The following LRTM1 variants were observed in gnomAD, a reference collection of about 807,000 sequenced individuals.
LRTM1 encodes leucine-rich repeat and transmembrane domain-containing protein 1.
A neutral mutation model predicts 32.4 loss-of-function variants in LRTM1; 38 were observed. The observed-to-expected ratio is 1.17, with a 90% confidence interval of 0.91 to 1.54. The LOEUF (loss-of-function observed/expected upper bound fraction) is 1.54. Ranked by LOEUF, LRTM1 falls within the 40% of genes most tolerant of loss-of-function variation. The pLI, the probability that LRTM1 is intolerant of heterozygous loss-of-function variation, is 0.00. For missense variants in LRTM1, 466 were observed against 415.4 expected, an observed-to-expected ratio of 1.12 and a Z score of -1.06; for synonymous variants, 186 against 169.9, an observed-to-expected ratio of 1.09 and a Z score of -0.74.
intron 2 of LRTM1, among the ~76,000 whole-genome samples, chr3:54,922,119 G>A (rs750250738): frequency 2.2e-4 from 34 of 152,038 alleles, no homozygotes; most frequent in Non-Finnish European, 4.4e-4. Flanking sequence ...CTGTTGTGAC[G>A]GCGTGTTGAA....
chr3:54,957,780 G>A (rs898841420), intron 1 of LRTM1, among the ~76,000 whole-genome samples: 8 of 152,042 alleles, frequency 5.3e-5, no homozygotes, highest in East Asian at 1.9e-4. Context: ...TCTCTCACCC[G>A]GTAGGATGAG....
At chr3:54,925,251 GT>G (rs1461073376) in intron 1 of LRTM1, 36 bp from the exon 2 acceptor site, 1 of 1,538,518 alleles carries the variant, frequency 6.5e-7, no homozygotes, top group Non-Finnish European at 8.9e-7. Context: ...ATAGGAACCA[GT>G]TTGTGAGGTG....
chr3:54,929,564 A>G (rs886780016), upstream of LRTM1, among the ~76,000 whole-genome samples: 3 of 152,188 alleles, frequency 2.0e-5, no homozygotes, highest in African/African-American at 7.2e-5. Context: ...CACATAACCC[A>G]GTATATTCAT....
chr3:54,954,447 T>C (rs1409780129), intron 1 of LRTM1, among the ~76,000 whole-genome samples: 1 of 152,228 alleles, frequency 6.6e-6, no homozygotes, highest in African/African-American at 2.4e-5. Flanking sequence ...CTCACTGCTC[T>C]GGTAGTTTCC....
chr3:54,946,101 G>A (rs944042305), intron 1 of LRTM1, among the ~76,000 whole-genome samples: 2 of 152,208 alleles, frequency 1.3e-5, no homozygotes, highest in African/African-American at 4.8e-5. Context: ...ATAAAAAGCA[G>A]TATGCATTGA....
chr3:54,952,115 G>A (rs1199455575), intron 1 of LRTM1, among the ~76,000 whole-genome samples: 1 of 152,166 alleles, frequency 6.6e-6, no homozygotes, highest in African/African-American at 2.4e-5. Flanking sequence ...CAAAGTGCTG[G>A]GATTACACAT....
intron 1 of LRTM1, among the ~76,000 whole-genome samples, chr3:54,954,305 T>C (rs1307019394): frequency 6.6e-6 from 1 of 152,136 alleles, no homozygotes; most frequent in African/African-American, 2.4e-5. Context: ...CACGAACACT[T>C]CCCCACTGAG....
At chr3:54,930,028 C>T (rs1446270098), upstream of LRTM1, among the ~76,000 whole-genome samples, 1 of 152,194 alleles carries the variant, frequency 6.6e-6, no homozygotes, top group Non-Finnish European at 1.5e-5. Flanking sequence ...ACCTTAAGAG[C>T]CATCAGTCTC....
intron 1 of LRTM1, among the ~76,000 whole-genome samples, chr3:54,950,491 A>G (rs990181763): frequency 1.3e-5 from 2 of 152,156 alleles, no homozygotes; most frequent in Non-Finnish European, 2.9e-5. Context: ...AATGCTGACA[A>G]TAATTATAAT....
intron 2 of LRTM1, among the ~76,000 whole-genome samples, chr3:54,920,892 AAGGTGGGAGCCAC>A (rs1398885355): frequency 6.6e-6 from 1 of 152,160 alleles, no homozygotes; most frequent in Non-Finnish European, 1.5e-5. Flanking sequence ...GTTCGGTATT[AAGGTGGGAGCCAC>A]AGCCTCTGGA....
At chr3:54,945,424 G>GT in intron 1 of LRTM1, among the ~76,000 whole-genome samples, 1 of 152,270 alleles carries the variant, frequency 6.6e-6, no homozygotes, top group East Asian at 1.9e-4. Flanking sequence ...TCTCTCTCCT[G>GT]TATCCAGCCC....
intron 1 of LRTM1, among the ~76,000 whole-genome samples, chr3:54,946,549 C>G (rs947228314): frequency 6.6e-6 from 1 of 152,134 alleles, no homozygotes; most frequent in African/African-American, 2.4e-5. Flanking sequence ...AACAGCCCTT[C>G]CAGTGGAAAG....
chr3:54,942,878 G>A lies in LRTM1; in HGVS notation c.-221-17663C>T, dbSNP rs568820928. On this transcript the variant is annotated intron_variant, in intron 1 of 2. Transcript: ENST00000493075. ...TCTCTACTAAAAATACAAAAAATTAGCCAGGCGCGGTGGCACGTGCCTGTA... is the reference window on the plus strand; with the variant it reads ...TCTCTACTAAAAATACAAAAAATTAACCAGGCGCGGTGGCACGTGCCTGTA... Among the ~76,000 whole-genome samples the A allele has an allele frequency of 2.0e-5, 3 of 152,204 alleles. No individual in the cohort carries two copies. In the East Asian group the frequency reaches 5.8e-4, roughly 29 times the overall value.
intron 1 of LRTM1, among the ~76,000 whole-genome samples, chr3:54,937,240 G>C (rs189121273): frequency 1.3e-5 from 2 of 152,334 alleles, no homozygotes; most frequent in Non-Finnish European, 2.9e-5. Context: ...GCAAAGCTCT[G>C]TGTTTGGGAA....
At chr3:54,929,399 C>T (rs910855876), upstream of LRTM1, among the ~76,000 whole-genome samples, 14 of 152,230 alleles carry the variant, frequency 9.2e-5, no homozygotes, top group Non-Finnish European at 1.9e-4. Context: ...GAGGTCTTGA[C>T]AGAGGGCCAT....
upstream of LRTM1, among the ~76,000 whole-genome samples, chr3:54,933,051 C>CCCTCCCTTCCTT: frequency 7.2e-6 from 1 of 139,542 alleles, no homozygotes; most frequent in African/African-American, 2.7e-5. Flanking sequence ...ATCCATCCCT[C>CCCTCCCTTCCTT]CCTTCCTTCC....
chr3:54,949,579 A>G (rs1701703479), intron 1 of LRTM1, among the ~76,000 whole-genome samples: 1 of 152,184 alleles, frequency 6.6e-6, no homozygotes, highest in Non-Finnish European at 1.5e-5. Context: ...TGCCATACCC[A>G]AGGGGCAGCA....
At chr3:54,962,198 C>G (rs1702046873) in intron 1 of LRTM1, among the ~76,000 whole-genome samples, 1 of 152,140 alleles carries the variant, frequency 6.6e-6, no homozygotes, top group African/African-American at 2.4e-5. Context: ...TCAGAGAGGA[C>G]CAACATTCAA....
rs150316051 is a variant in LRTM1, at chr3:54,957,074, A to G, written c.-222+9854T>C. ...CTAGCAGACACCTGGCACATACTAG[A>G]GGGCTTCATAAATGGGATTAATTAT... is the stretch of plus-strand genomic sequence containing the variant. On this transcript the variant is annotated intron_variant, in intron 1 of 2. Transcript: ENST00000493075. Among the ~76,000 whole-genome samples, 149 of 152,340 alleles carry G rather than the reference A, an allele frequency of 9.8e-4. 2 individuals carry two copies. In the East Asian group the frequency reaches 0.027, roughly 28 times the overall value.
Sources: gnomAD v4.1 joint callset for allele counts (sites outside exome capture counted in the v4.1 genomes callset) on GRCh38, gnomAD v4.1.1 for gene constraint, MANE v1.5 for transcripts, NCBI Gene and HGNC (gene_info 2026-07-23, HGNC 2026-07-21) for gene names.